The following AKT3 variants were observed in gnomAD, a reference collection of about 807,000 sequenced individuals.
AKT3 encodes the protein AKT serine/threonine kinase 3.
AKT3 carries 15 observed loss-of-function variants against 65.3 expected under a neutral mutation model. The observed-to-expected ratio is 0.23, with a 90% CI of 0.15 to 0.35. The LOEUF is 0.35. Ranked by LOEUF, AKT3 falls within the 10% of genes least tolerant of loss-of-function variation. The probability of loss-of-function intolerance (pLI) is 1.00; values close to 1 mark genes in which losing one functional copy is unlikely to be tolerated. For synonymous variants in AKT3, 206 were observed against 183.8 expected (o/e 1.12, Z -0.98); for missense variants, 243 against 576.5 (o/e 0.42, Z 5.92).
At chr1:243,661,691 C>G (rs1053867501) in intron 4 of AKT3, among the ~76,000 whole-genome samples, 99 of 151,272 alleles carry the variant, frequency 6.5e-4, no homozygotes, top group Non-Finnish European at 4.9e-4. Context: ...CAACAAAAGC[C>G]AAAATTGACA....
At chr1:243,507,750 T>C (rs575009107) in intron 13 of AKT3, among the ~76,000 whole-genome samples, 1 of 152,382 alleles carries the variant, frequency 6.6e-6, no homozygotes, top group Admixed American at 6.5e-5. Flanking sequence ...ATCAGTTGCC[T>C]GATTTTCTTA....
chr1:243,662,344 G>A (rs2147911015), intron 4 of AKT3, among the ~76,000 whole-genome samples: 1 of 152,078 alleles, frequency 6.6e-6, no homozygotes, highest in East Asian at 1.9e-4. Context: ...AAGAAAATGT[G>A]GCATAAATAC....
chr1:243,813,688 T>C (rs1693331734), intron 2 of AKT3, among the ~76,000 whole-genome samples: 1 of 152,154 alleles, frequency 6.6e-6, no homozygotes. Context: ...AAATATGATT[T>C]TTCTTAGTTG....
intron 4 of AKT3, among the ~76,000 whole-genome samples, chr1:243,647,216 CAAT>C (rs993750358): frequency 6.6e-6 from 1 of 152,166 alleles, no homozygotes; most frequent in African/African-American, 2.4e-5. Flanking sequence ...ATGTTTCAGT[CAAT>C]GATGGACTGC....
chr1:243,617,139 T>A (rs895020096), intron 6 of AKT3, among the ~76,000 whole-genome samples: 2 of 148,630 alleles, frequency 1.3e-5, no homozygotes, highest in Non-Finnish European at 3.0e-5. Context: ...CATTCATCCA[T>A]CCACCCACCC....
chr1:243,522,008 T>C (rs1304082572), intron 12 of AKT3, among the ~76,000 whole-genome samples: 1 of 152,224 alleles, frequency 6.6e-6, no homozygotes, highest in Admixed American at 6.5e-5. Context: ...CAGTTATACC[T>C]GGAGAGGATT....
At chr1:243,848,346 C>A (rs1302821992) in intron 1 of AKT3, among the ~76,000 whole-genome samples, 1 of 152,148 alleles carries the variant, frequency 6.6e-6, no homozygotes, top group African/African-American at 2.4e-5. Context: ...TGCATTAAGT[C>A]ATAAACCTTG....
At position 243,499,887 on chromosome 1, in the gene AKT3, ACACC is replaced by A; in HGVS notation, c.*5358_*5361del. On this transcript the variant is annotated 3_prime_UTR_variant, in exon 14 of 14. Coordinates refer to ENST00000673466, the MANE Select transcript of AKT3 (RefSeq NM_005465.7). ...AACGCACCACGACCTTCCCAGGGTGACACCGCCTCAGCCTGCAGTGGGGCTGGTC... is the reference window on the plus strand; with the variant it reads ...AACGCACCACGACCTTCCCAGGGTGAGCCTCAGCCTGCAGTGGGGCTGGTC... 4 of 1,134,566 alleles carry A rather than the reference ACACC, an allele frequency of 3.5e-6. No individual in the cohort carries two copies. The highest frequency in any genetic ancestry group is 5.2e-6 in the Non-Finnish European group (4 of 763,680). 70.3% of individuals were successfully genotyped at this position (1,134,566 alleles called of 1,614,324 possible). A position where few individuals can be genotyped will look rare whatever the true frequency, so the allele number is the denominator to read the frequency against.
chr1:243,772,710 T>A (rs1029263171), intron 2 of AKT3, among the ~76,000 whole-genome samples: 13 of 152,184 alleles, frequency 8.5e-5, no homozygotes, highest in Admixed American at 7.9e-4. Context: ...GGAATATAAA[T>A]CATGCTGCTA....
intron 3 of AKT3, among the ~76,000 whole-genome samples, chr1:243,672,721 C>A (rs1683236823): frequency 6.6e-6 from 1 of 152,186 alleles, no homozygotes; most frequent in African/African-American, 2.4e-5. Context: ...CTTCTCCTAA[C>A]ACATTTTTCT....
At chr1:243,827,144 A>G (rs1438565117) in intron 2 of AKT3, among the ~76,000 whole-genome samples, 1 of 152,176 alleles carries the variant, frequency 6.6e-6, no homozygotes, top group Non-Finnish European at 1.5e-5. Context: ...CTATGCTTTT[A>G]TCTTTATAAA....
chr1:243,784,810 G>C (rs1691145237), intron 2 of AKT3, among the ~76,000 whole-genome samples: 1 of 152,206 alleles, frequency 6.6e-6, no homozygotes, highest in Non-Finnish European at 1.5e-5. Flanking sequence ...CCCTAGGCTG[G>C]AGTGCAGTGG....
chr1:243,522,066 G>A (rs916119686), intron 12 of AKT3, among the ~76,000 whole-genome samples: 1 of 152,188 alleles, frequency 6.6e-6, no homozygotes, highest in Non-Finnish European at 1.5e-5. Flanking sequence ...AACACTGGGA[G>A]CCTTTTTAAA....
At chr1:243,685,636 G>T (rs1572168263) in intron 3 of AKT3, among the ~76,000 whole-genome samples, 1 of 151,962 alleles carries the variant, frequency 6.6e-6, no homozygotes, top group African/African-American at 2.4e-5. Flanking sequence ...TTGTTCTTTT[G>T]GCTTAGGATT....
At chr1:243,627,703 A>T (rs1679286713) in intron 6 of AKT3, among the ~76,000 whole-genome samples, 1 of 152,246 alleles carries the variant, frequency 6.6e-6, no homozygotes, top group Non-Finnish European at 1.5e-5. Flanking sequence ...TCTTACGAAT[A>T]ACCTGGGCAG....
At chr1:243,702,711 T>C (rs142198990) in intron 2 of AKT3, 1 of 152,308 alleles carries the variant, frequency 6.6e-6, no homozygotes, top group African/African-American at 2.4e-5. Context: ...GTGTCAGGTA[T>C]ATAAAACATG....
At chr1:243,541,335 A>C (rs760948139) in intron 12 of AKT3, among the ~76,000 whole-genome samples, 1 of 152,174 alleles carries the variant, frequency 6.6e-6, no homozygotes, top group Non-Finnish European at 1.5e-5. Context: ...CATCCTTTGG[A>C]TCATAAACTA....
intron 2 of AKT3, among the ~76,000 whole-genome samples, chr1:243,788,304 T>C (rs1318429278): frequency 2.0e-5 from 3 of 152,182 alleles, no homozygotes; most frequent in African/African-American, 7.2e-5. Context: ...TCATGTATCT[T>C]GGTCATATTC....
intron 12 of AKT3, among the ~76,000 whole-genome samples, chr1:243,544,127 A>G (rs1022864210): frequency 6.6e-6 from 1 of 152,150 alleles, no homozygotes; most frequent in Non-Finnish European, 1.5e-5. Context: ...ATAATTACAG[A>G]AAAATTCGGA....
Sources: allele counts gnomAD v4.1 joint callset (sites outside exome capture counted in the v4.1 genomes callset), GRCh38; gene constraint gnomAD v4.1.1; transcripts MANE v1.5; gene names NCBI Gene and HGNC (gene_info 2026-07-23, HGNC 2026-07-21).